AGAP2: variants seen among roughly 807,000 people sequenced by gnomAD.
The protein encoded by AGAP2 is ArfGAP with GTPase domain, ankyrin repeat and PH domain 2, also known as arf-GAP with GTPase, ANK repeat and PH domain-containing protein 2.
In AGAP2, 32 loss-of-function variants were observed where a neutral mutation model predicts 110.9. The observed-to-expected ratio is 0.29, with a 90% confidence interval of 0.22 to 0.39. The LOEUF (loss-of-function observed/expected upper bound fraction) is 0.39. Ranked by LOEUF, AGAP2 falls within the 10% of genes least tolerant of loss-of-function variation. The pLI is 1.00. For synonymous variants in AGAP2, 702 were observed against 713.0 expected, an observed-to-expected ratio of 0.98 and a Z score of 0.25; for missense variants, 1,285 against 1,638.5, an observed-to-expected ratio of 0.78 and a Z score of 3.72.
rs1954909923 is a variant in AGAP2, at chr12:57,732,722, C to A, written c.1684+123G>T. The A allele has an allele frequency of 3.3e-6, 5 of 1,511,966 alleles. No homozygotes were observed. The East Asian group carries it at 9.1e-5, about 27-fold the overall frequency. The allele number at this position is 1,511,966 out of a possible 1,614,324, so 93.7% of individuals were successfully genotyped here. On this transcript the variant is annotated intron_variant, in intron 6 of 18. Coordinates refer to ENST00000547588, the MANE Select transcript of AGAP2 (RefSeq NM_001122772.3). Reference sequence around the variant, plus strand: ...ACCTTCTCTGGCCTCCCTGATCTCTCCTCCCTCCCACAAAGGCTAATTTCC... The same window carrying A: ...ACCTTCTCTGGCCTCCCTGATCTCTACTCCCTCCCACAAAGGCTAATTTCC...
In AGAP2 at chr12:57,726,735, G is replaced by A; in HGVS notation, c.3396C>T (p.Arg1132=). ...CGGCGCACAGCTGGCTTCCAGCCTG[G>A]CGGGCGTAGAACAGCGCCGTGCGGC... The part of the protein sequence containing the change: ...AQGRTALFYA[R]QAGSQLCADI... The change falls in exon 19 of 19, where the codon CGC becomes CGT. Residue 1132 remains arginine, a synonymous_variant. Transcript: ENST00000547588. This position sits in a 1 kb window ranked among gnomAD's most constrained non-coding sequence, Gnocchi z 5.7. 1 of 1,273,476 alleles carries A rather than the reference G, an allele frequency of 7.9e-7. No individual in the cohort carries two copies. The highest frequency in any genetic ancestry group is 2.5e-4 in the Middle Eastern group (1 of 4,062). 78.9% of individuals were successfully genotyped at this position (1,273,476 alleles called of 1,614,324 possible).
At chr12:57,729,885 TC>T in intron 12 of AGAP2, 118 bp from the exon 13 acceptor site, 1 of 1,411,018 alleles carries the variant, frequency 7.1e-7, no homozygotes, top group South Asian at 1.4e-5. Context: ...TCCTCAACTG[TC>T]CCTCTCCAGG....
rs1954901422 is a variant in AGAP2 at position 57,732,334 on chromosome 12, C to T, written c.1794+69G>A. ...CCTGAACCTCCTTGGGTACTCTGTA[C>T]CTGTCCTAGGATCCCCAGCCCCTCT... is the stretch of plus-strand genomic sequence containing the variant. On this transcript the variant is annotated intron_variant, in intron 7 of 18. Coordinates refer to ENST00000547588, the MANE Select transcript of AGAP2 (RefSeq NM_001122772.3). 6 of 1,420,454 alleles carry T rather than the reference C, an allele frequency of 4.2e-6. No homozygotes were observed. In the South Asian group the frequency reaches 5.0e-5, roughly 12 times the overall value. 88.0% of individuals were successfully genotyped at this position (1,420,454 alleles called of 1,614,324 possible). A position where few individuals can be genotyped will look rare whatever the true frequency, so the allele number is the denominator to read the frequency against.
upstream of AGAP2, chr12:57,740,109 G>A (rs1955059123): frequency 6.6e-6 from 1 of 151,886 alleles, no homozygotes; most frequent in Admixed American, 6.6e-5. Flanking sequence ...GCAGTCCCCT[G>A]ATTTGGCGTC....
chr12:57,738,357 T>G lies in AGAP2; in HGVS notation c.-111A>C, dbSNP rs1955031822. The G allele has an allele frequency of 4.0e-6, 5 of 1,242,930 alleles. No individual in the cohort carries two copies. Among genetic ancestry groups the G allele is most frequent in the Non-Finnish European group, 5.1e-6 (5 of 987,436 alleles). The allele number at this position is 1,242,930 out of a possible 1,614,324, so 77.0% of individuals were successfully genotyped here. A position where few individuals can be genotyped will look rare whatever the true frequency, so the allele number is the denominator to read the frequency against. ...GCTGCCCCCAGCCCCCGGACCCCGC[T>G]GAGCCCCCGGCCCGGCTCCGCTGTC... On this transcript the variant is annotated 5_prime_UTR_variant, in exon 1 of 19. Coordinates refer to ENST00000547588, the MANE Select transcript of AGAP2 (RefSeq NM_001122772.3). This position sits in a 1 kb window ranked among gnomAD's most constrained non-coding sequence, Gnocchi z 6.7.
rs1408034078 is a variant in AGAP2, at chr12:57,737,539, G to A, written c.708C>T (p.Ala236=). 5 of 1,557,292 alleles carry A rather than the reference G, an allele frequency of 3.2e-6. No individual in the cohort carries two copies. Among genetic ancestry groups the A allele is most frequent in the Middle Eastern group, 1.7e-4 (1 of 5,996 alleles). ...CCCCGGCGGCGGCGGCGGTGGCGGC[G>A]GCAGAGACCGAAGCTCCAGTCCCGG... ...SSAGTGASVS[A]AATAAAAGGG... is the part of the protein sequence containing the mutation. Residue 236 remains alanine, a synonymous_variant, in exon 1 of 19, where the codon GCC becomes GCT. Coordinates refer to ENST00000547588, the MANE Select transcript of AGAP2 (RefSeq NM_001122772.3). This position sits in a 1 kb window ranked among gnomAD's most constrained non-coding sequence, Gnocchi z 5.9.
chr12:57,729,161 G>C, intron 13 of AGAP2, among the ~76,000 whole-genome samples: 1 of 138,976 alleles, frequency 7.2e-6, no homozygotes, highest in African/African-American at 2.7e-5. Flanking sequence ...GGGTGACAGA[G>C]TGAGACTCCA....
intron 12 of AGAP2, 183 bp downstream of exon 12, chr12:57,730,312 G>T: frequency 1.1e-6 from 1 of 893,568 alleles, no homozygotes; most frequent in Non-Finnish European, 1.7e-6. Context: ...GGCAGTTGAC[G>T]TTAGAGTCCA....
rs1954776376 is a variant in AGAP2, at chr12:57,726,914, G to C, written c.3336+60C>G. 2 of 1,494,408 alleles carry C rather than the reference G, an allele frequency of 1.3e-6. No individual in the cohort carries two copies. The highest frequency in any genetic ancestry group is 1.8e-6 in the Non-Finnish European group (2 of 1,127,986). 92.6% of individuals were successfully genotyped at this position (1,494,408 alleles called of 1,614,324 possible). A position where few individuals can be genotyped will look rare whatever the true frequency, so the allele number is the denominator to read the frequency against. On this transcript the variant is annotated intron_variant, in intron 18 of 18. Coordinates refer to ENST00000547588, the MANE Select transcript of AGAP2 (RefSeq NM_001122772.3). This position sits in a 1 kb window ranked among gnomAD's most constrained non-coding sequence, Gnocchi z 5.7. ...CTCTGGGAATTTCGGGCTTTCCCGC[G>C]CCAGGCGTTTTCCGAGATGAAGCCT...
chr12:57,728,463 G>T, intron 13 of AGAP2, 86 bp from the exon 14 acceptor site: 1 of 1,382,998 alleles, frequency 7.2e-7, no homozygotes, highest in Non-Finnish European at 1.0e-6. Context: ...AAAAAGACAG[G>T]TAGATGGAGA....
At chr12:57,741,877 G>A (rs759501494), upstream of AGAP2, 8 of 1,600,374 alleles carry the variant, frequency 5.0e-6, no homozygotes, top group Non-Finnish European at 6.0e-6. Flanking sequence ...GCTAGTCCCT[G>A]ATACACCCAA....
Position 57,727,563 on chromosome 12 carries a change from C to G in AGAP2, c.2877G>C (p.Leu959Phe). The G allele has an allele frequency of 6.2e-7, 1 of 1,607,782 alleles. No homozygotes were observed. Among genetic ancestry groups the G allele is most frequent in the Non-Finnish European group, 8.5e-7 (1 of 1,178,648 alleles). The change falls in exon 17 of 19, where the codon TTG becomes TTC. Residue 959 changes from leucine (L) to phenylalanine (F), a missense_variant. Around this residue, in one of 7 missense-constraint regions of AGAP2, gnomAD observed 39 missense variants for 45.8 expected, o/e 0.85. Coordinates refer to ENST00000547588, the MANE Select transcript of AGAP2 (RefSeq NM_001122772.3). ...CGAPNPTWASLNLGALICIEC... is the reference protein window; with the variant it reads ...CGAPNPTWASFNLGALICIEC... ...CGATGCAGATGAGGGCGCCCAGGTT[C>G]AAGCTGGCCCACGTGGGGTCTGCGG...
In AGAP2 at chr12:57,737,128, AGAAG is replaced by A; in HGVS notation, c.1115_1118del (p.Ser372LeufsTer20). On this transcript the variant is annotated frameshift_variant, in exon 1 of 19. Coordinates refer to ENST00000547588, the MANE Select transcript of AGAP2 (RefSeq NM_001122772.3). LOFTEE classifies it high-confidence loss of function. This position sits in a 1 kb window ranked among gnomAD's most constrained non-coding sequence, Gnocchi z 5.9. ...CCAGCAGCTCCCTGGACCCGCTGCCAGAAGACAGGCTGGGGGGTCCGGGAAGGGG... is the reference window on the plus strand; with the variant it reads ...CCAGCAGCTCCCTGGACCCGCTGCCAACAGGCTGGGGGGTCCGGGAAGGGG... 6.4e-7 allele frequency: 1 copy of A among 1,568,184 alleles called. No individual in the cohort carries two copies. The highest frequency in any genetic ancestry group is 8.6e-7 in the Non-Finnish European group (1 of 1,157,328).
At chr12:57,740,304 A>G (rs1288856031), upstream of AGAP2, among the ~76,000 whole-genome samples, 1 of 152,100 alleles carries the variant, frequency 6.6e-6, no homozygotes, top group African/African-American at 2.4e-5. Flanking sequence ...CCTGGGGCTC[A>G]GCAGTTTCTC....
chr12:57,732,315 C>T (rs2140360037), intron 7 of AGAP2, 88 bp downstream of exon 7: 1 of 1,247,740 alleles, frequency 8.0e-7, no homozygotes, highest in African/African-American at 1.5e-5. Flanking sequence ...ACTCCCTGAA[C>T]CTCCTTGGGT....
At chr12:57,741,089 C>T (rs1328691098), upstream of AGAP2, among the ~76,000 whole-genome samples, 2 of 152,196 alleles carry the variant, frequency 1.3e-5, no homozygotes, top group Middle Eastern at 3.2e-3. Context: ...GGAATGACAG[C>T]GAGCTGGAAC....
In AGAP2 at chr12:57,734,181, G is replaced by A. The variant is rs1339117810; in HGVS notation, c.1402-8C>T. ...ATCTGCCCAGCCTGAGAACTTGCGG[G>A]GAGTGAGGGAGCAAATGGAAAGTCA... is the stretch of plus-strand genomic sequence containing the variant. On this transcript the variant is annotated splice_region_variant and splice_polypyrimidine_tract_variant and intron_variant, in intron 4 of 18. Transcript: ENST00000547588. 1.2e-5 allele frequency: 19 copies of A among 1,605,216 alleles called. No homozygotes were observed. Among genetic ancestry groups the A allele is most frequent in the Non-Finnish European group, 1.6e-5 (19 of 1,174,212 alleles).
chr12:57,740,785 A>G (rs539870743), upstream of AGAP2, among the ~76,000 whole-genome samples: 2 of 152,138 alleles, frequency 1.3e-5, no homozygotes, highest in Admixed American at 1.3e-4. Flanking sequence ...TGAGAGGGGC[A>G]CTAGCCTCCG....
intron 7 of AGAP2, 25 bp from the exon 8 acceptor site, chr12:57,731,992 A>G (rs374154369): frequency 1.9e-6 from 3 of 1,610,502 alleles, no homozygotes; most frequent in South Asian, 1.1e-5. Context: ...AAGAGTCAGC[A>G]GAGCTGAGAT....
Sources: gnomAD v4.1 joint callset for allele counts (sites outside exome capture counted in the v4.1 genomes callset) on GRCh38, gnomAD v4.1.1 for gene constraint, gnomAD v4.1.1 regional missense constraint, Gnocchi (gnomAD v3.1) non-coding constraint, MANE v1.5 for transcripts, NCBI Gene and HGNC (gene_info 2026-07-23, HGNC 2026-07-21) for gene names.